Variants in TMEM182 observed in about 807,000 individuals in gnomAD.
The protein encoded by TMEM182 is transmembrane protein 182.
Under a neutral mutation model 26.8 loss-of-function variants are expected in TMEM182, and 20 were observed. The observed-to-expected ratio is 0.75, with a 90% CI of 0.53 to 1.09. The LOEUF is 1.09. Among genes scored for constraint, TMEM182 ranks in the 50% least tolerant of loss-of-function variants. The pLI, the probability that TMEM182 is intolerant of heterozygous loss-of-function variation, is 0.00. For missense variants in TMEM182, 277 were observed against 275.5 expected (o/e 1.01, Z -0.04); for synonymous variants, 109 against 102.2 (o/e 1.07, Z -0.40).
At chr2:102,744,536 A>G (rs993913710) in intron 1 of TMEM182, among the ~76,000 whole-genome samples, 1 of 152,128 alleles carries the variant, frequency 6.6e-6, no homozygotes, top group African/African-American at 2.4e-5. Flanking sequence ...CAGATCTCTG[A>G]CCTATATCAT....
chr2:102,776,237 T>A (rs1468883908), intron 3 of TMEM182, among the ~76,000 whole-genome samples: 2 of 152,156 alleles, frequency 1.3e-5, no homozygotes, highest in African/African-American at 2.4e-5. Flanking sequence ...CTGAATGAGT[T>A]TTGACAAGTG....
chr2:102,785,470 G>A (rs563441366), intron 3 of TMEM182, among the ~76,000 whole-genome samples: 2 of 152,252 alleles, frequency 1.3e-5, no homozygotes, highest in African/African-American at 2.4e-5. Context: ...GGCACATATT[G>A]TACTTTTTCA....
chr2:102,812,119 T>G (rs1203371248), intron 4 of TMEM182, among the ~76,000 whole-genome samples: 1 of 152,192 alleles, frequency 6.6e-6, no homozygotes, highest in African/African-American at 2.4e-5. Flanking sequence ...CTAATCAAAT[T>G]CTAATCACTG....
rs536954486 is a variant in TMEM182 at position 102,781,865 on chromosome 2, G to A, written c.332-15998G>A. Reference sequence around the variant, plus strand: ...TATCATTCATAAAAGGTAAGCTTTAGTACTGCTTGGACTCCAGTGCTGGGA... The same window carrying A: ...TATCATTCATAAAAGGTAAGCTTTAATACTGCTTGGACTCCAGTGCTGGGA... On this transcript the variant is annotated intron_variant, in intron 3 of 4. Coordinates refer to ENST00000412401, the MANE Select transcript of TMEM182 (RefSeq NM_144632.5). Among the ~76,000 whole-genome samples the A allele has an allele frequency of 7.9e-5, 12 of 152,264 alleles. 1 individual carries two copies. Among genetic ancestry groups the A allele is most frequent in the Admixed American group, 7.8e-4 (12 of 15,298 alleles).
chr2:102,828,911 T>A (rs955316398), intron 3 of TMEM182, among the ~76,000 whole-genome samples: 1 of 152,196 alleles, frequency 6.6e-6, no homozygotes, highest in African/African-American at 2.4e-5. Flanking sequence ...TGCCTAAGAA[T>A]TGATTTCCAG....
chr2:102,825,673 A>C (rs1683018539), intron 3 of TMEM182, among the ~76,000 whole-genome samples: 1 of 152,260 alleles, frequency 6.6e-6, no homozygotes, highest in Non-Finnish European at 1.5e-5. Flanking sequence ...ATCCTGTAAG[A>C]ACAATAAAAT....
intron 1 of TMEM182, among the ~76,000 whole-genome samples, chr2:102,747,015 TTTAAATGA>T (rs1409953004): frequency 6.6e-6 from 1 of 152,266 alleles, no homozygotes; most frequent in Non-Finnish European, 1.5e-5. Flanking sequence ...TTACTTAGAC[TTTAAATGA>T]TTGGATATCT....
chr2:102,815,868 T>C lies in TMEM182; in HGVS notation c.*900T>C, dbSNP rs1682723822. On this transcript the variant is annotated 3_prime_UTR_variant, in exon 5 of 5. Coordinates refer to ENST00000412401, the MANE Select transcript of TMEM182 (RefSeq NM_144632.5). Reference sequence around the variant, plus strand: ...ATGTGATTTTAATATTTTTTAGATATAAACTTTCAACGTACTTCCATATGA... The same window carrying C: ...ATGTGATTTTAATATTTTTTAGATACAAACTTTCAACGTACTTCCATATGA... The C allele has an allele frequency of 1.1e-6, 1 of 917,770 alleles. No homozygotes were observed. Among genetic ancestry groups the C allele is most frequent in the South Asian group, 5.1e-5 (1 of 19,608 alleles). 56.9% of individuals were successfully genotyped at this position (917,770 alleles called of 1,614,324 possible).
intron 4 of TMEM182, among the ~76,000 whole-genome samples, chr2:102,814,081 A>AGT (rs1238957892): frequency 2.3e-5 from 3 of 131,722 alleles, no homozygotes; most frequent in African/African-American, 9.0e-5. Context: ...ATCAATCTTT[A>AGT]GTGTGTATAT....
In TMEM182 at chr2:102,762,141, T is replaced by G; in HGVS notation, c.-77T>G. 9 of 1,020,246 alleles carry G rather than the reference T, an allele frequency of 8.8e-6. No homozygotes were observed. Among genetic ancestry groups the G allele is most frequent in the African/African-American group, 1.7e-5 (1 of 60,488 alleles). The allele number at this position is 1,020,246 out of a possible 1,614,324, so 63.2% of individuals were successfully genotyped here. On this transcript the variant is annotated 5_prime_UTR_variant, in exon 1 of 5. Transcript: ENST00000412401. ...ATTATTCTTTTTTTTTTTTTTTTGC[T>G]GTTGTTTCTGAGAAACTAGGTGTCT...
chr2:102,785,547 G>A (rs1467857613), intron 3 of TMEM182, among the ~76,000 whole-genome samples: 1 of 151,954 alleles, frequency 6.6e-6, no homozygotes, highest in Non-Finnish European at 1.5e-5. Flanking sequence ...ATTTTCAATC[G>A]GTGCTCAAAC....
intron 4 of TMEM182, 66 bp downstream of exon 4, chr2:102,798,066 T>G (rs1326130612): frequency 6.5e-7 from 1 of 1,546,744 alleles, no homozygotes; most frequent in East Asian, 2.3e-5. Context: ...TATTTTTCAT[T>G]TCTATATTCA....
intron 3 of TMEM182, among the ~76,000 whole-genome samples, chr2:102,822,946 C>G (rs567498201): frequency 7.4e-4 from 112 of 152,286 alleles, no homozygotes; most frequent in Non-Finnish European, 1.4e-3. Context: ...AACAAAATCC[C>G]TATTGTTCAC....
intron 4 of TMEM182, among the ~76,000 whole-genome samples, chr2:102,801,515 G>T (rs1437875835): frequency 1.3e-5 from 2 of 152,186 alleles, no homozygotes; most frequent in African/African-American, 4.8e-5. Flanking sequence ...CAGCCCAGAT[G>T]GCTGTTATCT....
chr2:102,825,086 T>C (rs1039991889), intron 3 of TMEM182, among the ~76,000 whole-genome samples: 22 of 152,204 alleles, frequency 1.4e-4, no homozygotes, highest in African/African-American at 5.3e-4. Context: ...GTTTTAATCA[T>C]GAAATGATGA....
At chr2:102,744,539 T>A (rs1247468287) in intron 1 of TMEM182, among the ~76,000 whole-genome samples, 3 of 152,282 alleles carry the variant, frequency 2.0e-5, no homozygotes, top group East Asian at 3.9e-4. Flanking sequence ...ATCTCTGACC[T>A]ATATCATATT....
chr2:102,753,786 A>G (rs1451032033), intron 1 of TMEM182, among the ~76,000 whole-genome samples: 1 of 152,218 alleles, frequency 6.6e-6, no homozygotes, highest in East Asian at 1.9e-4. Context: ...AATTAAGCTC[A>G]GTAAGATGAA....
chr2:102,773,745 A>G (rs1680781483), intron 3 of TMEM182, among the ~76,000 whole-genome samples: 1 of 152,148 alleles, frequency 6.6e-6, no homozygotes, highest in South Asian at 2.1e-4. Flanking sequence ...AAGGCAAGGG[A>G]GGAATCAGAG....
rs947604412 is a variant in TMEM182, at chr2:102,764,493, A to C, written c.331+66A>C. 7 of 1,358,618 alleles carry C rather than the reference A, an allele frequency of 5.2e-6. No individual in the cohort carries two copies. In the African/African-American group the frequency reaches 1.0e-4, roughly 20 times the overall value. The allele number at this position is 1,358,618 out of a possible 1,614,324, so 84.2% of individuals were successfully genotyped here. On this transcript the variant is annotated intron_variant, in intron 3 of 4. Coordinates refer to ENST00000412401, the MANE Select transcript of TMEM182 (RefSeq NM_144632.5). ...TATCTTTCTGAAGGATGCCCAGATCAAAATTGTTGTGAGCAATTAAAAAAA... is the reference window on the plus strand; with the variant it reads ...TATCTTTCTGAAGGATGCCCAGATCCAAATTGTTGTGAGCAATTAAAAAAA...
Sources: gnomAD v4.1 joint callset for allele counts (sites outside exome capture counted in the v4.1 genomes callset) on GRCh38, gnomAD v4.1.1 for gene constraint, MANE v1.5 for transcripts, NCBI Gene and HGNC (gene_info 2026-07-23, HGNC 2026-07-21) for gene names.